Variants in NAV3 observed in about 807,000 individuals in gnomAD.
NAV3 encodes neuron navigator 3, also known as pore membrane and/or filament interacting like protein 1.
NAV3 carries 87 observed loss-of-function variants against 244.7 expected under a neutral mutation model. The ratio of observed to expected loss-of-function variants is 0.36; its 90% CI spans 0.30 to 0.42. The LOEUF is 0.42. Among genes scored for constraint, NAV3 ranks in the 20% least tolerant of loss-of-function variants. The pLI is 1.00. For missense variants in NAV3, 2,663 were observed against 2,893.3 expected (o/e 0.92, Z 1.83); for synonymous variants, 1,126 against 1,042.2 (o/e 1.08, Z -1.55).
At chr12:78,051,773 G>A (rs918579334) in intron 11 of NAV3, among the ~76,000 whole-genome samples, 8 of 152,116 alleles carry the variant, frequency 5.3e-5, no homozygotes, top group Non-Finnish European at 8.8e-5. Flanking sequence ...TCAGAGAATA[G>A]GTCCAAAAGG....
intron 2 of NAV3, among the ~76,000 whole-genome samples, chr12:77,668,315 G>A: frequency 6.6e-6 from 1 of 152,006 alleles, no homozygotes; most frequent in Non-Finnish European, 1.5e-5. Flanking sequence ...GAATTCAGAT[G>A]GTCGACTATT....
intron 2 of NAV3, among the ~76,000 whole-genome samples, chr12:77,645,536 T>TA (rs756805711): frequency 0.16 from 9,938 of 62,596 alleles, 905 homozygotes; most frequent in Non-Finnish European, 0.22. Flanking sequence ...TCTCTCTCTC[T>TA]AAAAAAAAAA....
At chr12:77,966,653 T>C (rs1892544665) in intron 4 of NAV3, among the ~76,000 whole-genome samples, 1 of 152,082 alleles carries the variant, frequency 6.6e-6, no homozygotes, top group South Asian at 2.1e-4. Flanking sequence ...ACAGGTAAAA[T>C]ATTTTAATTA....
At chr12:78,111,758 C>T (rs932042000) in intron 12 of NAV3, among the ~76,000 whole-genome samples, 1 of 152,034 alleles carries the variant, frequency 6.6e-6, no homozygotes, top group Non-Finnish European at 1.5e-5. Flanking sequence ...GGGTTGTCTT[C>T]TCATTCTCTT....
At chr12:78,012,211 T>C (rs886957907) in intron 8 of NAV3, among the ~76,000 whole-genome samples, 20 of 152,188 alleles carry the variant, frequency 1.3e-4, no homozygotes, top group African/African-American at 4.1e-4. Context: ...ACCCTTCTTC[T>C]GAAACATACC....
chr12:78,084,527 G>T (rs1953525455), intron 12 of NAV3, among the ~76,000 whole-genome samples: 1 of 151,854 alleles, frequency 6.6e-6, no homozygotes, highest in Non-Finnish European at 1.5e-5. Context: ...TATAAACAAA[G>T]TAGACAAAAT....
rs539621374 is a variant in NAV3, at chr12:77,872,578, A to G, written c.243+40874A>G. 1.1e-4 allele frequency among the ~76,000 whole-genome samples: 16 copies of G among 152,310 alleles called. No individual in the cohort carries two copies. The South Asian group carries it at 3.3e-3, about 32-fold the overall frequency. On this transcript the variant is annotated intron_variant, in intron 1 of 39. Coordinates refer to ENST00000397909, the MANE Select transcript of NAV3 (RefSeq NM_001024383.2). The stretch of plus-strand genomic sequence containing the variant: ...AGTCCAGGATCCAAGGTCTAGGTTT[A>G]GGACAGAACCACTAGTTCATGGCAA...
intron 2 of NAV3, among the ~76,000 whole-genome samples, chr12:77,678,592 G>A (rs1330369410): frequency 6.6e-6 from 1 of 152,106 alleles, no homozygotes; most frequent in East Asian, 1.9e-4. Flanking sequence ...AATGCTAGCT[G>A]GTGCTTACTT....
At chr12:78,100,675 T>G (rs1954492954) in intron 12 of NAV3, among the ~76,000 whole-genome samples, 1 of 152,076 alleles carries the variant, frequency 6.6e-6, no homozygotes, top group South Asian at 2.1e-4. Context: ...ATTGCACTTC[T>G]AAGATACTCT....
intron 2 of NAV3, among the ~76,000 whole-genome samples, chr12:77,697,636 A>C (rs1875373264): frequency 6.6e-6 from 1 of 152,112 alleles, no homozygotes; most frequent in Admixed American, 6.6e-5. Context: ...TTTATTAATC[A>C]CTCATGCATT....
chr12:77,798,153 C>T (rs1871521409), intron 2 of NAV3, among the ~76,000 whole-genome samples: 1 of 141,266 alleles, frequency 7.1e-6, no homozygotes, highest in Non-Finnish European at 1.5e-5. Flanking sequence ...CAGAGTGAGA[C>T]CGTGTCTCAA....
intron 1 of NAV3, among the ~76,000 whole-genome samples, chr12:77,920,649 A>G (rs1887622415): frequency 6.6e-6 from 1 of 152,040 alleles, no homozygotes; most frequent in South Asian, 2.1e-4. Context: ...ATTTACTTTT[A>G]GGTACAATAC....
At chr12:77,762,221 T>A (rs188441209) in intron 2 of NAV3, among the ~76,000 whole-genome samples, 10 of 152,106 alleles carry the variant, frequency 6.6e-5, no homozygotes, top group Admixed American at 4.6e-4. Context: ...AAGTATGAGT[T>A]GAACAATGAG....
chr12:78,172,362 A>G (rs1168496814), intron 24 of NAV3, among the ~76,000 whole-genome samples: 2 of 151,688 alleles, frequency 1.3e-5, no homozygotes, highest in East Asian at 1.9e-4. Flanking sequence ...TTGATACCAC[A>G]TGCCATATGC....
intron 3 of NAV3, among the ~76,000 whole-genome samples, chr12:77,960,448 T>TACACACACACAC (rs745583068): frequency 1.3e-4 from 11 of 86,758 alleles, no homozygotes; most frequent in Non-Finnish European, 2.4e-4. Context: ...TATATATATA[T>TACACACACACAC]ATACACACAC....
At chr12:77,877,699 G>A (rs1592867526) in intron 1 of NAV3, among the ~76,000 whole-genome samples, 3 of 152,096 alleles carry the variant, frequency 2.0e-5, no homozygotes, top group East Asian at 3.9e-4. Context: ...CCTGAAGGAG[G>A]GGAGCATAAT....
At chr12:78,182,557 A>AT (rs1593943449) in intron 30 of NAV3, among the ~76,000 whole-genome samples, 1 of 152,088 alleles carries the variant, frequency 6.6e-6, no homozygotes, top group Non-Finnish European at 1.5e-5. Context: ...ACAGACACAT[A>AT]TAAAAAAAAC....
intron 2 of NAV3, among the ~76,000 whole-genome samples, chr12:77,736,009 T>C (rs1366563788): frequency 6.6e-6 from 1 of 152,230 alleles, no homozygotes; most frequent in Non-Finnish European, 1.5e-5. Flanking sequence ...CTTGTTAACA[T>C]GTCAAATAAC....
intron 2 of NAV3, among the ~76,000 whole-genome samples, chr12:77,757,577 C>T (rs1044208811): frequency 6.6e-6 from 1 of 152,106 alleles, no homozygotes; most frequent in South Asian, 2.1e-4. Context: ...AACTCTTCTC[C>T]TGGTATGTCT....
Sources: allele counts gnomAD v4.1 joint callset (sites outside exome capture counted in the v4.1 genomes callset), GRCh38; gene constraint gnomAD v4.1.1; transcripts MANE v1.5; gene names NCBI Gene and HGNC (gene_info 2026-07-23, HGNC 2026-07-21).